Variants in TXNRD1 observed in about 807,000 individuals in gnomAD.
TXNRD1 encodes thioredoxin reductase 1, cytoplasmic.
In TXNRD1, 57 loss-of-function variants were observed where a neutral mutation model predicts 80.3. The ratio of observed to expected loss-of-function variants is 0.71; its 90% CI spans 0.57 to 0.89. The LOEUF is 0.89. Among genes scored for constraint, TXNRD1 ranks in the 40% least tolerant of loss-of-function variants. The pLI is 0.00. For synonymous variants in TXNRD1, 291 were observed against 285.2 expected, an observed-to-expected ratio of 1.02 and a Z score of -0.20; for missense variants, 730 against 803.0, an observed-to-expected ratio of 0.91 and a Z score of 1.10.
rs1306122055 is a variant in TXNRD1, at chr12:104,311,294, A to G, written c.419A>G (p.Tyr140Cys). 6.3e-7 allele frequency: 1 copy of G among 1,596,744 alleles called. No homozygotes were observed. Among genetic ancestry groups the G allele is most frequent in the East Asian group, 2.2e-5 (1 of 44,576 alleles). ...TCTTCTGTTATTTTTCTTTAGGCTT[A>G]TCAGGAGGGCAGACTTCAAAAGCTA... ...IGGHGPTLKAYQEGRLQKLLK... is the reference protein window; with the variant it reads ...IGGHGPTLKACQEGRLQKLLK... Residue 140 changes from tyrosine (Y) to cysteine (C), a missense_variant, in exon 5 of 17, where the codon TAT becomes TGT. Coordinates refer to ENST00000525566, the MANE Select transcript of TXNRD1 (RefSeq NM_001093771.3).
intron 3 of TXNRD1, among the ~76,000 whole-genome samples, chr12:104,258,887 A>G (rs538217287): frequency 2.6e-5 from 4 of 152,260 alleles, no homozygotes; most frequent in African/African-American, 9.6e-5. Flanking sequence ...CTATGATTGC[A>G]CCATTGCACT....
At chr12:104,306,714 T>C (rs1872141481) in intron 4 of TXNRD1, among the ~76,000 whole-genome samples, 2 of 152,208 alleles carry the variant, frequency 1.3e-5, no homozygotes, top group African/African-American at 2.4e-5. Context: ...CTTTCACATA[T>C]GAAAGAGCGC....
intron 3 of TXNRD1, among the ~76,000 whole-genome samples, chr12:104,260,592 T>C (rs1487492413): frequency 2.6e-5 from 4 of 152,236 alleles, no homozygotes; most frequent in African/African-American, 9.6e-5. Context: ...GTTATTTCCA[T>C]AATACCATGT....
intron 13 of TXNRD1, among the ~76,000 whole-genome samples, chr12:104,330,187 C>T (rs766256273): frequency 2.7e-4 from 41 of 152,048 alleles, no homozygotes; most frequent in Non-Finnish European, 4.1e-4. Context: ...ATTTTATCTC[C>T]CTGTTTTAGA....
At chr12:104,304,192 AG>A in intron 4 of TXNRD1, 1 of 1,614,086 alleles carries the variant, frequency 6.2e-7, no homozygotes, top group South Asian at 1.1e-5. Flanking sequence ...CCAGAGAAGC[AG>A]CCCTCGACGC....
chr12:104,302,325 G>A (rs2135779737), intron 4 of TXNRD1, among the ~76,000 whole-genome samples: 1 of 151,662 alleles, frequency 6.6e-6, no homozygotes, highest in East Asian at 1.9e-4. Context: ...AGGAAGGTAG[G>A]GCTAATTTAC....
At chr12:104,294,233 G>GGCCCCC (rs60817773) in intron 4 of TXNRD1, among the ~76,000 whole-genome samples, 9 of 68,906 alleles carry the variant, frequency 1.3e-4, no homozygotes, top group African/African-American at 3.6e-4. Flanking sequence ...CCGGGGAAAG[G>GGCCCCC]CCCCCCCCCC....
intron 4 of TXNRD1, among the ~76,000 whole-genome samples, chr12:104,305,895 T>C (rs1223579688): frequency 6.6e-6 from 1 of 152,210 alleles, no homozygotes; most frequent in African/African-American, 2.4e-5. Flanking sequence ...CACTTTAATT[T>C]TGCATTTCTA....
In TXNRD1 at chr12:104,325,386, A is replaced by T. The variant is rs2035722412; in HGVS notation, c.1265A>T (p.Gln422Leu). The part of the protein sequence containing the change: ...GTPGRLRVVA[Q>L]STNSEEIIEG... ...CCAGGCCGACTCAGAGTAGTAGCTC[A>T]GTCCACCAATAGTGAGGAAATCATT... The change falls in exon 11 of 17, where the codon CAG becomes CTG. Residue 422 changes from glutamine (Q) to leucine (L), a missense_variant. Transcript: ENST00000525566. The T allele has an allele frequency of 6.2e-7, 1 of 1,613,348 alleles. No homozygotes were observed. The highest frequency in any genetic ancestry group is 2.2e-5 in the East Asian group (1 of 44,876).
intron 4 of TXNRD1, among the ~76,000 whole-genome samples, chr12:104,290,693 T>C (rs1227503311): frequency 1.1e-5 from 1 of 93,934 alleles, no homozygotes; most frequent in East Asian, 2.8e-4. Flanking sequence ...TGAGACCCTG[T>C]CTCAAAAAAA....
At chr12:104,339,521 T>C (rs971273440) in intron 16 of TXNRD1, 6 of 623,444 alleles carry the variant, frequency 9.6e-6, no homozygotes, top group African/African-American at 3.7e-5. Context: ...CCTTAAATAT[T>C]TTATTTATCA....
chr12:104,219,968 A>C (rs1225642375), intron 1 of TXNRD1, among the ~76,000 whole-genome samples: 1 of 152,196 alleles, frequency 6.6e-6, no homozygotes, highest in Non-Finnish European at 1.5e-5. Context: ...TCCATTTCAG[A>C]CCTACTAAAT....
rs76220379 is a variant in TXNRD1, at chr12:104,223,003, G to C, written c.91+7110G>C. 4.0e-3 allele frequency among the ~76,000 whole-genome samples: 605 copies of C among 152,032 alleles called. 4 individuals are homozygous for C. Among genetic ancestry groups the C allele is most frequent in the African/African-American group, 0.014 (576 of 41,316 alleles). The stretch of plus-strand genomic sequence containing the variant: ...TCTTAAGAAAATTAAATGATCCTTG[G>C]GTGGGCTTGTTAAACATGGTCCAGT... On this transcript the variant is annotated intron_variant, in intron 1 of 16. Coordinates refer to ENST00000525566, the MANE Select transcript of TXNRD1 (RefSeq NM_001093771.3).
At chr12:104,285,727 G>A (rs1593750508) in intron 3 of TXNRD1, among the ~76,000 whole-genome samples, 1 of 152,150 alleles carries the variant, frequency 6.6e-6, no homozygotes, top group Non-Finnish European at 1.5e-5. Context: ...TGAGATAAAG[G>A]CATATAAAAT....
intron 1 of TXNRD1, among the ~76,000 whole-genome samples, chr12:104,220,781 A>C (rs1322674327): frequency 6.6e-6 from 1 of 151,732 alleles, no homozygotes; most frequent in Non-Finnish European, 1.5e-5. Context: ...AGTTGGATTA[A>C]ATCCTTGAAA....
chr12:104,243,543 G>A (rs2032919917), intron 1 of TXNRD1, among the ~76,000 whole-genome samples: 1 of 152,176 alleles, frequency 6.6e-6, no homozygotes, highest in Admixed American at 6.5e-5. Context: ...TTTGTTAAAA[G>A]GAATCTTCTG....
intron 7 of TXNRD1, 70 bp downstream of exon 7, chr12:104,315,966 C>T (rs1220441731): frequency 9.3e-6 from 14 of 1,507,614 alleles, no homozygotes; most frequent in African/African-American, 5.6e-5. Flanking sequence ...TGTGATGCGT[C>T]GTCCATTTTC....
chr12:104,321,955 ATGG>A (rs1335867027), intron 10 of TXNRD1, among the ~76,000 whole-genome samples: 1 of 151,844 alleles, frequency 6.6e-6, no homozygotes, highest in East Asian at 1.9e-4. Flanking sequence ...TGCAGGGAAA[ATGG>A]TGGGACTATT....
At chr12:104,228,998 C>T (rs1214940882) in intron 1 of TXNRD1, among the ~76,000 whole-genome samples, 1 of 151,928 alleles carries the variant, frequency 6.6e-6, no homozygotes, top group East Asian at 1.9e-4. Flanking sequence ...GGATTACAGG[C>T]GTGAGCCACC....
Sources: allele counts gnomAD v4.1 joint callset (sites outside exome capture counted in the v4.1 genomes callset), GRCh38; gene constraint gnomAD v4.1.1; transcripts MANE v1.5; gene names NCBI Gene and HGNC (gene_info 2026-07-23, HGNC 2026-07-21).